Variants in ADK observed in about 807,000 individuals in gnomAD.
The protein encoded by ADK is adenosine kinase, also known as N6,N6-dimethyladenosine kinase.
A neutral mutation model predicts 44.7 loss-of-function variants in ADK; 24 were observed. The ratio of observed to expected loss-of-function variants is 0.54; its 90% CI spans 0.39 to 0.76. ADK has a LOEUF of 0.76. Among genes scored for constraint, ADK ranks in the 30% least tolerant of loss-of-function variants. The pLI is 0.00. For synonymous variants in ADK, 128 were observed against 142.6 expected, an observed-to-expected ratio of 0.90 and a Z score of 0.73; for missense variants, 321 against 425.1, an observed-to-expected ratio of 0.76 and a Z score of 2.15.
chr10:74,456,328 T>TA (rs548476505), intron 6 of ADK, among the ~76,000 whole-genome samples: 7 of 151,938 alleles, frequency 4.6e-5, no homozygotes, highest in Admixed American at 1.3e-4. Flanking sequence ...ATAGAAATCA[T>TA]AAAAAACACT....
chr10:74,216,285 A>T (rs1277174765), intron 2 of ADK, among the ~76,000 whole-genome samples: 1 of 152,180 alleles, frequency 6.6e-6, no homozygotes, highest in Non-Finnish European at 1.5e-5. Flanking sequence ...TCTCTTAGTC[A>T]TTAAATTGTA....
intron 6 of ADK, among the ~76,000 whole-genome samples, chr10:74,426,758 T>G (rs1017469061): frequency 3.9e-5 from 6 of 152,186 alleles, no homozygotes; most frequent in African/African-American, 1.4e-4. Flanking sequence ...CCTAAAATTG[T>G]AAACAAACAA....
At chr10:74,178,330 T>A (rs1293494430) in intron 1 of ADK, among the ~76,000 whole-genome samples, 1 of 152,186 alleles carries the variant, frequency 6.6e-6, no homozygotes, top group Non-Finnish European at 1.5e-5. Context: ...GAGACCCACA[T>A]GGAAGGATTT....
chr10:74,430,731 A>G (rs1252207728), intron 6 of ADK, among the ~76,000 whole-genome samples: 4 of 152,132 alleles, frequency 2.6e-5, no homozygotes, highest in Non-Finnish European at 5.9e-5. Flanking sequence ...TTGATGGTTA[A>G]GTTGACATTC....
intron 3 of ADK, among the ~76,000 whole-genome samples, chr10:74,242,400 A>G (rs1400709180): frequency 6.6e-6 from 1 of 152,258 alleles, no homozygotes; most frequent in African/African-American, 2.4e-5. Flanking sequence ...TTGTACACTC[A>G]GTGCCTAGCA....
intron 9 of ADK, among the ~76,000 whole-genome samples, chr10:74,648,886 A>T (rs550456510): frequency 2.6e-5 from 4 of 152,054 alleles, no homozygotes; most frequent in Admixed American, 2.6e-4. Flanking sequence ...AACCACTAAG[A>T]AAATAAGAAA....
At chr10:74,518,339 T>G (rs1210425996) in intron 6 of ADK, among the ~76,000 whole-genome samples, 4 of 152,328 alleles carry the variant, frequency 2.6e-5, no homozygotes, top group Non-Finnish European at 5.9e-5. Flanking sequence ...GTCCAAATAT[T>G]TTTCTGTTAC....
At chr10:74,303,797 G>A (rs148998611) in intron 3 of ADK, among the ~76,000 whole-genome samples, 1,800 of 151,184 alleles carry the variant, frequency 0.012, 42 homozygotes, top group African/African-American at 0.041. Flanking sequence ...GTGAAAACCC[G>A]TCTCTACTAA....
intron 4 of ADK, chr10:74,371,904 G>A: frequency 6.8e-7 from 1 of 1,470,104 alleles, no homozygotes; most frequent in Non-Finnish European, 9.4e-7. Flanking sequence ...GCTTCTTGTG[G>A]TTACTGACCC....
chr10:74,324,894 A>G (rs1840953764), intron 4 of ADK, among the ~76,000 whole-genome samples: 1 of 152,212 alleles, frequency 6.6e-6, no homozygotes, highest in South Asian at 2.1e-4. Flanking sequence ...TATTTCGGGT[A>G]CTATAGCCTT....
chr10:74,306,445 T>C (rs1015318162), intron 3 of ADK, among the ~76,000 whole-genome samples: 5 of 152,206 alleles, frequency 3.3e-5, no homozygotes, highest in African/African-American at 9.7e-5. Flanking sequence ...CTGCACATAC[T>C]TCCTGTGACT....
intron 4 of ADK, chr10:74,344,626 CTTTT>C (rs1841700174): frequency 4.2e-6 from 1 of 240,348 alleles, no homozygotes; most frequent in Non-Finnish European, 8.8e-6. Flanking sequence ...CATGGATATT[CTTTT>C]TGTCATTTAA....
chr10:74,486,528 T>C (rs1847273007), intron 6 of ADK, among the ~76,000 whole-genome samples: 2 of 152,190 alleles, frequency 1.3e-5, no homozygotes, highest in Admixed American at 6.5e-5. Context: ...TTTTGATTGT[T>C]CCTTTCATTA....
chr10:74,321,347 G>A (rs1456154651), intron 4 of ADK, among the ~76,000 whole-genome samples: 2 of 151,716 alleles, frequency 1.3e-5, no homozygotes, highest in African/African-American at 2.4e-5. Context: ...GCAGTGGTGC[G>A]ATCACAGCTC....
intron 8 of ADK, among the ~76,000 whole-genome samples, chr10:74,596,616 G>C (rs1851935570): frequency 6.6e-6 from 1 of 151,778 alleles, no homozygotes; most frequent in Admixed American, 6.6e-5. Context: ...CGTGATCTCA[G>C]CTCCCTGAAA....
chr10:74,215,850 G>T (rs534226971), intron 2 of ADK, among the ~76,000 whole-genome samples: 4 of 150,498 alleles, frequency 2.7e-5, no homozygotes, highest in Non-Finnish European at 4.4e-5. Context: ...TAGAGACGGG[G>T]TTTCACCATG....
intron 3 of ADK, among the ~76,000 whole-genome samples, chr10:74,290,387 G>T (rs758710214): frequency 6.6e-6 from 1 of 151,996 alleles, no homozygotes; most frequent in Non-Finnish European, 1.5e-5. Context: ...ATAAGTATCC[G>T]TGATATTTTA....
chr10:74,482,889 G>T (rs1290156849), intron 6 of ADK, among the ~76,000 whole-genome samples: 1 of 152,126 alleles, frequency 6.6e-6, no homozygotes, highest in African/African-American at 2.4e-5. Flanking sequence ...GCTCTGCAGG[G>T]CTCAGCTCCC....
chr10:74,605,473 A>C (rs991875457), intron 9 of ADK, among the ~76,000 whole-genome samples: 1 of 152,154 alleles, frequency 6.6e-6, no homozygotes, highest in Non-Finnish European at 1.5e-5. Flanking sequence ...AATTTTATCG[A>C]AGGCCTTTTC....
Sources: allele counts gnomAD v4.1 joint callset (sites outside exome capture counted in the v4.1 genomes callset), GRCh38; gene constraint gnomAD v4.1.1; transcripts MANE v1.5; gene names NCBI Gene and HGNC (gene_info 2026-07-23, HGNC 2026-07-21).